The following RB1CC1 variants were observed in gnomAD, a reference collection of about 807,000 sequenced individuals.
RB1CC1 encodes RB1-inducible coiled-coil protein 1.
RB1CC1 carries 46 observed loss-of-function variants against 177.5 expected under a neutral mutation model. The observed-to-expected ratio is 0.26, with a 90% CI of 0.20 to 0.33. The LOEUF (loss-of-function observed/expected upper bound fraction) is 0.33, where lower values mean the gene tolerates loss of function less well. Among genes scored for constraint, RB1CC1 ranks in the 10% least tolerant of loss-of-function variants. The pLI, the probability that RB1CC1 is intolerant of heterozygous loss-of-function variation, is 1.00. For missense variants in RB1CC1, 1,703 were observed against 1,816.3 expected, an observed-to-expected ratio of 0.94 and a Z score of 1.13; for synonymous variants, 666 against 613.6, an observed-to-expected ratio of 1.09 and a Z score of -1.26.
At chr8:52,706,795 A>G (rs533799846) in intron 1 of RB1CC1, among the ~76,000 whole-genome samples, 1 of 150,330 alleles carries the variant, frequency 6.7e-6, no homozygotes, top group East Asian at 2.0e-4. Flanking sequence ...AGTAGCTGGG[A>G]TTATAGGCAC....
chr8:52,681,459 CAT>C (rs1853711184), intron 5 of RB1CC1, among the ~76,000 whole-genome samples: 1 of 152,158 alleles, frequency 6.6e-6, no homozygotes, highest in South Asian at 2.1e-4. Flanking sequence ...AGTAATCAGA[CAT>C]AAACTCAGAA....
Position 52,683,862 on chromosome 8 carries a change from T to C in RB1CC1, c.198+25A>G, listed in dbSNP as rs1016474281. 3.7e-6 allele frequency: 6 copies of C among 1,606,080 alleles called. No individual in the cohort carries two copies. The African/African-American group carries it at 6.7e-5, about 18-fold the overall frequency. ...GTGATGTAAAGATGTTGCATTCTTGTGTGAAAGGACTCTTGAATACCTACC... is the reference window on the plus strand; with the variant it reads ...GTGATGTAAAGATGTTGCATTCTTGCGTGAAAGGACTCTTGAATACCTACC... On this transcript the variant is annotated intron_variant, in intron 4 of 23. Transcript: ENST00000025008.
In RB1CC1 at chr8:52,655,999, A is replaced by G; in HGVS notation, c.3821+9T>C. 1 of 1,570,582 alleles carries G rather than the reference A, an allele frequency of 6.4e-7. No homozygotes were observed. The highest frequency in any genetic ancestry group is 8.7e-7 in the Non-Finnish European group (1 of 1,148,436). On this transcript the variant is annotated intron_variant, in intron 15 of 23. Coordinates refer to ENST00000025008, the MANE Select transcript of RB1CC1 (RefSeq NM_014781.5). ...AATTTTATAATTACAGACTAAACTT[A>G]ATTCTTACCTTTTTGCTATTTGATT...
In RB1CC1 at chr8:52,683,877, G is replaced by T. The variant is rs1251654987; in HGVS notation, c.198+10C>A. On this transcript the variant is annotated intron_variant, in intron 4 of 23. Coordinates refer to ENST00000025008, the MANE Select transcript of RB1CC1 (RefSeq NM_014781.5). The stretch of plus-strand genomic sequence containing the variant: ...TGCATTCTTGTGTGAAAGGACTCTT[G>T]AATACCTACCGTCCCAGCACTGTAG... 1.2e-6 allele frequency: 2 copies of T among 1,611,450 alleles called. No individual in the cohort carries two copies. The highest frequency in any genetic ancestry group is 1.7e-4 in the Middle Eastern group (1 of 6,042).
At chr8:52,688,015 A>C (rs895773486) in intron 1 of RB1CC1, among the ~76,000 whole-genome samples, 19 of 152,200 alleles carry the variant, frequency 1.2e-4, no homozygotes, top group Admixed American at 1.1e-3. Context: ...TTGCCAAATA[A>C]TACTTTTATA....
intron 15 of RB1CC1, among the ~76,000 whole-genome samples, chr8:52,651,194 G>A (rs1179346934): frequency 6.6e-6 from 1 of 152,210 alleles, no homozygotes; most frequent in Non-Finnish European, 1.5e-5. Context: ...ACAGATTCCA[G>A]ACTCAATATT....
intron 6 of RB1CC1, among the ~76,000 whole-genome samples, chr8:52,675,334 T>C (rs1225409905): frequency 6.6e-6 from 1 of 151,752 alleles, no homozygotes; most frequent in Non-Finnish European, 1.5e-5. Context: ...AACCAGAACA[T>C]GCTACTTGCC....
Position 52,658,883 on chromosome 8 carries a change from G to A in RB1CC1, c.1783C>T (p.Pro595Ser). The A allele has an allele frequency of 1.3e-6, 2 of 1,566,132 alleles. No homozygotes were observed. Among genetic ancestry groups the A allele is most frequent in the South Asian group, 1.2e-5 (1 of 83,200 alleles). ...ACTAATGACATTTACCTGAGGAATG[G>A]CTGAACTTCCGAAGGACAAAATGAT... Reference protein sequence around the residue: ...LQSFCPSEVQPFLRVPLLCDF... With the variant: ...LQSFCPSEVQSFLRVPLLCDF... The change falls in exon 13 of 24, where the codon CCA becomes TCA. Residue 595 changes from proline (P) to serine (S), a missense_variant. Pro to Ser is a moderately conservative substitution (Grantham distance 74). This residue lies in a region of RB1CC1 where 1,169 missense variants were observed against 1,184.7 expected (regional missense o/e 0.99). Coordinates refer to ENST00000025008, the MANE Select transcript of RB1CC1 (RefSeq NM_014781.5).
At chr8:52,681,091 A>G (rs1460958402) in intron 5 of RB1CC1, among the ~76,000 whole-genome samples, 1 of 150,698 alleles carries the variant, frequency 6.6e-6, no homozygotes, top group Non-Finnish European at 1.5e-5. Context: ...TCCTGGGTTC[A>G]AGCAATTCTC....
chr8:52,703,640 G>C (rs138138145), intron 1 of RB1CC1, among the ~76,000 whole-genome samples: 2 of 152,272 alleles, frequency 1.3e-5, no homozygotes, highest in East Asian at 3.9e-4. Flanking sequence ...CTGAAGTACT[G>C]ACAGCCCATA....
intron 10 of RB1CC1, 44 bp from the exon 11 acceptor site, chr8:52,661,051 C>A (rs201849022): frequency 4.3e-6 from 7 of 1,610,692 alleles, no homozygotes; most frequent in Non-Finnish European, 5.9e-6. Flanking sequence ...TACACCAATT[C>A]GTTAAAGTTC....
chr8:52,624,908 T>C (rs1211758879), intron 22 of RB1CC1, 121 bp from the exon 23 acceptor site: 11 of 662,406 alleles, frequency 1.7e-5, no homozygotes, highest in South Asian at 1.5e-4. Context: ...TATGTAAGAC[T>C]TTAAAAACTA....
At position 52,657,208 on chromosome 8, in the gene RB1CC1, T is replaced by C. The variant is rs1315838636; in HGVS notation, c.2621A>G (p.Tyr874Cys). The change falls in exon 15 of 24, where the codon TAT (tyrosine) becomes TGT (cysteine). Residue 874 changes from tyrosine to cysteine, a missense_variant. Coordinates refer to ENST00000025008, the MANE Select transcript of RB1CC1 (RefSeq NM_014781.5). ...TATTAGTCCGTCAAGTTTACCTTCA[T>C]ATTCATTTTTTAAAGACAGTAGTTC... is the stretch of plus-strand genomic sequence containing the variant. ...QKELLSLKNE[Y>C]EGKLDGLIKE... 1 of 1,597,644 alleles carries C rather than the reference T, an allele frequency of 6.3e-7. No homozygotes were observed. The highest frequency in any genetic ancestry group is 1.3e-5 in the African/African-American group (1 of 74,322).
At chr8:52,693,345 A>G (rs755542334) in intron 1 of RB1CC1, among the ~76,000 whole-genome samples, 6 of 152,248 alleles carry the variant, frequency 3.9e-5, no homozygotes, top group Non-Finnish European at 5.9e-5. Context: ...AACCTACGGG[A>G]TGGAAGAAAA....
rs1853128106 is a variant in RB1CC1 at position 52,676,390 on chromosome 8, T to C, written c.551A>G (p.Asp184Gly). The C allele has an allele frequency of 6.2e-7, 1 of 1,606,028 alleles. No homozygotes were observed. Among genetic ancestry groups the C allele is most frequent in the East Asian group, 2.2e-5 (1 of 44,834 alleles). Residue 184 changes from aspartate to glycine, a missense_variant, in exon 6 of 24, where the codon GAC becomes GGC. Asp to Gly is a moderately conservative substitution (Grantham distance 94). Around this residue, in one of 6 missense-constraint regions of RB1CC1, gnomAD observed 315 missense variants for 304.9 expected, o/e 1.03. Transcript: ENST00000025008. The part of the protein sequence containing the change: ...IYSNYLQSIE[D>G]IKLKLTHLGT... ...ATACTGAGTAAGTTTTAACTTGATG[T>C]CTTCTATGGACTGCAGATAATTTGA...
At chr8:52,700,149 A>G (rs941562084) in intron 1 of RB1CC1, among the ~76,000 whole-genome samples, 2 of 151,868 alleles carry the variant, frequency 1.3e-5, no homozygotes, top group African/African-American at 2.4e-5. Context: ...CTTTTCTCAT[A>G]TTGATGGGAA....
intron 8 of RB1CC1, among the ~76,000 whole-genome samples, chr8:52,666,622 G>A (rs549896819): frequency 3.1e-4 from 47 of 152,200 alleles, no homozygotes; most frequent in African/African-American, 1.0e-3. Context: ...ACTGCTATGT[G>A]CTTAATGTGA....
rs780229211 is a variant in RB1CC1, at chr8:52,661,675, T to C, written c.1218A>G (p.Ala406=). The part of the protein sequence containing the change: ...NQKRAENLKD[A]SVLPDLCLSH... ...TCAGGCATAAATCAGGTAATACAGA[T>C]GCATCCTTTAAGTTTTCAGCTCTCT... Residue 406 remains alanine (A), a synonymous_variant, in exon 9 of 24, where the codon GCA becomes GCG. Coordinates refer to ENST00000025008, the MANE Select transcript of RB1CC1 (RefSeq NM_014781.5). 48 of 1,605,502 alleles carry C rather than the reference T, an allele frequency of 3.0e-5. No homozygotes were observed. The highest frequency in any genetic ancestry group is 6.7e-5 in the South Asian group (6 of 89,170).
In RB1CC1 at chr8:52,628,044, G is replaced by T; in HGVS notation, c.4624C>A (p.Pro1542Thr). The T allele has an allele frequency of 6.3e-7, 1 of 1,594,738 alleles. No individual in the cohort carries two copies. Residue 1542 changes from proline to threonine, a missense_variant, in exon 22 of 24, where the codon CCA (proline) becomes ACA (threonine). This residue lies in a region of RB1CC1 where 70 missense variants were observed against 118.0 expected (regional missense o/e 0.59). Coordinates refer to ENST00000025008, the MANE Select transcript of RB1CC1 (RefSeq NM_014781.5). Reference sequence around the variant, plus strand: ...GAATGACACTTACCACCCTCACCTGGTTTGAGATCCAGGGCAGGTAGAGAC... The same window carrying T: ...GAATGACACTTACCACCCTCACCTGTTTTGAGATCCAGGGCAGGTAGAGAC... ...SESLPALDLK[P>T]GEGASGASRR...
Sources: gnomAD v4.1 joint callset for allele counts (sites outside exome capture counted in the v4.1 genomes callset) on GRCh38, gnomAD v4.1.1 for gene constraint, gnomAD v4.1.1 regional missense constraint, MANE v1.5 for transcripts, NCBI Gene and HGNC (gene_info 2026-07-23, HGNC 2026-07-21) for gene names.